Variants in TRIM27 observed in about 807,000 individuals in gnomAD.
The protein encoded by TRIM27 is zinc finger protein RFP.
A neutral mutation model predicts 57.6 loss-of-function variants in TRIM27; 12 were observed. That is an observed-to-expected ratio of 0.21 (90% CI 0.13 to 0.34). TRIM27 has a LOEUF of 0.34. TRIM27 is among the 10% of genes least tolerant of loss of function. TRIM27 has a pLI of 1.00. For synonymous variants in TRIM27, 266 were observed against 259.0 expected (o/e 1.03, Z -0.26); for missense variants, 403 against 656.8 (o/e 0.61, Z 4.22).
chr6:28,907,436 C>G, intron 6 of TRIM27, 174 bp from the exon 7 acceptor site: 1 of 724,198 alleles, frequency 1.4e-6, no homozygotes, highest in South Asian at 1.5e-5. Flanking sequence ...ATCATCCAAC[C>G]AAAAGCTTTA....
At position 28,921,768 on chromosome 6, in the gene TRIM27, C is replaced by T. The variant is rs537875514; in HGVS notation, c.516+124G>A. 3.9e-4 allele frequency: 300 copies of T among 777,158 alleles called. 1 individual carries two copies. Among genetic ancestry groups the T allele is most frequent in the Middle Eastern group, 2.7e-3 (7 of 2,618 alleles). 48.1% of individuals were successfully genotyped at this position (777,158 alleles called of 1,614,324 possible). ...CCGGGTGAGTTCCCACTGCCATGTGCGGTTGATCCACCTCTACCTACAAGT... is the reference window on the plus strand; with the variant it reads ...CCGGGTGAGTTCCCACTGCCATGTGTGGTTGATCCACCTCTACCTACAAGT... On this transcript the variant is annotated intron_variant, in intron 2 of 7. Coordinates refer to ENST00000377199, the MANE Select transcript of TRIM27 (RefSeq NM_006510.5).
Position 28,923,732 on chromosome 6 carries a change from G to T in TRIM27, c.-100C>A. The T allele has an allele frequency of 1.5e-6, 2 of 1,317,998 alleles. No homozygotes were observed. The highest frequency in any genetic ancestry group is 2.0e-6 in the Non-Finnish European group (2 of 992,506). The allele number at this position is 1,317,998 out of a possible 1,614,324, so 81.6% of individuals were successfully genotyped here. ...CTCTCCGGTTCGCTGTTCCTGAGAG[G>T]CACCGGGCGGACGGAGGGCGGCGCC... is the stretch of plus-strand genomic sequence containing the variant. On this transcript the variant is annotated 5_prime_UTR_variant, in exon 1 of 8. Coordinates refer to ENST00000377199, the MANE Select transcript of TRIM27 (RefSeq NM_006510.5).
intron 2 of TRIM27, 91 bp downstream of exon 2, chr6:28,921,801 G>T: frequency 9.7e-7 from 1 of 1,029,584 alleles, no homozygotes; most frequent in Non-Finnish European, 1.5e-6. Context: ...AGTTCTGGGT[G>T]ACATGCTGGA....
In TRIM27 at chr6:28,921,886, C is replaced by T. The variant is rs745620731; in HGVS notation, c.516+6G>A. On this transcript the variant is annotated splice_donor_region_variant and intron_variant, in intron 2 of 7. Transcript: ENST00000377199. Reference sequence around the variant, plus strand: ...AGAACCAACTGTGAATTCCAACAACCCTTACCAAGAGTTCAGCTCGTGCCT... The same window carrying T: ...AGAACCAACTGTGAATTCCAACAACTCTTACCAAGAGTTCAGCTCGTGCCT... 4 of 1,610,488 alleles carry T rather than the reference C, an allele frequency of 2.5e-6. No homozygotes were observed. The highest frequency in any genetic ancestry group is 3.4e-6 in the Non-Finnish European group (4 of 1,177,768).
intron 3 of TRIM27, among the ~76,000 whole-genome samples, chr6:28,916,770 A>C (rs1438914767): frequency 1.3e-5 from 2 of 152,142 alleles, no homozygotes; most frequent in Non-Finnish European, 2.9e-5. Context: ...GGATTTACTA[A>C]ATGCTACTTT....
chr6:28,921,370 C>A lies in TRIM27; in HGVS notation c.516+522G>T, dbSNP rs565537657. ...ACTCCAGCCTGGATGACAGTGAGAC[C>A]CTGTCTTAAAAAAAAAAAAAAAAAT... is the stretch of plus-strand genomic sequence containing the variant. On this transcript the variant is annotated intron_variant, in intron 2 of 7. Coordinates refer to ENST00000377199, the MANE Select transcript of TRIM27 (RefSeq NM_006510.5). 6.8e-3 allele frequency among the ~76,000 whole-genome samples: 928 copies of A among 136,034 alleles called. 7 individuals carry two copies. The highest frequency in any genetic ancestry group is 0.011 in the Middle Eastern group (3 of 272). The allele number at this position is 136,034 out of a possible 152,430, so 89.2% of individuals were successfully genotyped here.
At position 28,920,204 on chromosome 6, in the gene TRIM27, C is replaced by T. The variant is rs768905131; in HGVS notation, c.555G>A (p.Glu185=). Residue 185 remains glutamate, a synonymous_variant, in exon 3 of 8, where the codon GAG becomes GAA. Transcript: ENST00000377199. ...TQMEREKIVW[E]FEQLYHSLKE... is the part of the protein sequence containing the mutation. ...TTAAGGAGTGATACAGCTGCTCAAA[C>T]TCCCAAACAATCTTCTCCCTCTCCA... 3.1e-6 allele frequency: 5 copies of T among 1,612,996 alleles called. No homozygotes were observed. Among genetic ancestry groups the T allele is most frequent in the Middle Eastern group, 3.3e-4 (2 of 6,058 alleles).
At chr6:28,922,989 C>T (rs1292367362) in intron 1 of TRIM27, among the ~76,000 whole-genome samples, 1 of 152,094 alleles carries the variant, frequency 6.6e-6, no homozygotes, top group African/African-American at 2.4e-5. Flanking sequence ...TGGGGGTAAA[C>T]AGAGAAAAGA....
intron 2 of TRIM27, among the ~76,000 whole-genome samples, chr6:28,921,107 G>A (rs761173756): frequency 5.9e-5 from 9 of 152,180 alleles, no homozygotes; most frequent in Admixed American, 2.0e-4. Context: ...CAGGCTGGGC[G>A]CGGTGGCTCA....
In TRIM27 at chr6:28,920,838, T is replaced by C. The variant is rs564709462; in HGVS notation, c.517-596A>G. ...AAGTGACAGGGTCAGATATGTGCCCTATGGAGGATGGAACAACCAATAACA... is the reference window on the plus strand; with the variant it reads ...AAGTGACAGGGTCAGATATGTGCCCCATGGAGGATGGAACAACCAATAACA... On this transcript the variant is annotated intron_variant, in intron 2 of 7. Transcript: ENST00000377199. 1.5e-3 allele frequency among the ~76,000 whole-genome samples: 221 copies of C among 152,230 alleles called. 2 individuals are homozygous for C. The highest frequency in any genetic ancestry group is 7.3e-3 in the South Asian group (35 of 4,816).
intron 3 of TRIM27, among the ~76,000 whole-genome samples, chr6:28,912,403 G>A (rs1773272642): frequency 1.3e-5 from 2 of 151,854 alleles, no homozygotes; most frequent in Non-Finnish European, 2.9e-5. Context: ...AGCCAGCGGT[G>A]GCCTCTCCCT....
At position 28,917,270 on chromosome 6, in the gene TRIM27, A is replaced by T. The variant is rs186026152; in HGVS notation, c.747+2742T>A. Among the ~76,000 whole-genome samples the T allele has an allele frequency of 2.5e-3, 385 of 152,132 alleles. 1 individual carries two copies. Among genetic ancestry groups the T allele is most frequent in the African/African-American group, 8.6e-3 (358 of 41,520 alleles). ...GAGCAGTCAAGATTTGAGAAAGCAA[A>T]GCTGATAAGAAAGTTACACGACAGG... On this transcript the variant is annotated intron_variant, in intron 3 of 7. Transcript: ENST00000377199.
rs1772966707 is a variant in TRIM27, at chr6:28,908,834, A to G, written c.893T>C (p.Met298Thr). Residue 298 changes from methionine (M) to threonine (T), a missense_variant, in exon 6 of 8, where the codon ATG becomes ACG. By Grantham distance (81) the Met-to-Thr change is moderately conservative. Coordinates refer to ENST00000377199, the MANE Select transcript of TRIM27 (RefSeq NM_006510.5). ...TTGGATTTTCTCCATATCTGACTGC[A>G]TTTTTTCTAAGAAAAGAAAACAAGA... ...TESLKQFTEKMQSDMEKIQEL... is the reference protein window; with the variant it reads ...TESLKQFTEKTQSDMEKIQEL... 1.2e-6 allele frequency: 2 copies of G among 1,613,600 alleles called. No individual in the cohort carries two copies. Among genetic ancestry groups the G allele is most frequent in the Non-Finnish European group, 1.7e-6 (2 of 1,179,830 alleles).
At position 28,904,597 on chromosome 6, in the gene TRIM27, G is replaced by A. The variant is rs147987889; in HGVS notation, c.1015C>T (p.Arg339Trp). 3.6e-5 allele frequency: 57 copies of A among 1,605,320 alleles called. No individual in the cohort carries two copies. Among genetic ancestry groups the A allele is most frequent in the Non-Finnish European group, 4.4e-5 (52 of 1,179,990 alleles). Residue 339 changes from arginine (R) to tryptophan (W), a missense_variant, in exon 8 of 8, where the codon CGG becomes TGG. Physicochemically the swap from Arg to Trp is moderately radical, Grantham distance 101. Transcript: ENST00000377199. The surrounding 1 kb of genome is among the most constrained non-coding windows in gnomAD (Gnocchi z 6.1). ...LILSDNLRQV[R>W]YSYLQQDLPD... The stretch of plus-strand genomic sequence containing the variant: ...AGGTCCTGTTGGAGGTAACTGTACC[G>A]CACTTGCCGCAGATTATCAGAGAGG...
intron 3 of TRIM27, among the ~76,000 whole-genome samples, chr6:28,913,767 A>G (rs1167960171): frequency 6.6e-6 from 1 of 151,708 alleles, no homozygotes; most frequent in Non-Finnish European, 1.5e-5. Flanking sequence ...CCTTCAACCC[A>G]TTTTTCTCTA....
chr6:28,921,240 G>T (rs930760261), intron 2 of TRIM27, among the ~76,000 whole-genome samples: 4 of 152,114 alleles, frequency 2.6e-5, no homozygotes, highest in African/African-American at 9.7e-5. Context: ...AATTAGCTGA[G>T]TCTGTTGGCG....
chr6:28,907,418 A>T lies in TRIM27; in HGVS notation c.920-156T>A, dbSNP rs192063271. The T allele has an allele frequency of 1.8e-4, 137 of 749,794 alleles. 1 individual carries two copies. In the Admixed American group the frequency reaches 2.1e-3, roughly 11 times the overall value. 46.4% of individuals were successfully genotyped at this position (749,794 alleles called of 1,614,324 possible). On this transcript the variant is annotated intron_variant, in intron 6 of 7. Transcript: ENST00000377199. ...ATGCACTAATTTTTTCATATGATGT[A>T]TGGCTCTATCATCCAACCAAAAGCT... is the stretch of plus-strand genomic sequence containing the variant.
chr6:28,921,849 G>A (rs767254410), intron 2 of TRIM27, 43 bp downstream of exon 2: 4 of 1,446,930 alleles, frequency 2.8e-6, no homozygotes, highest in Admixed American at 1.7e-5. Flanking sequence ...TACAGAAGAG[G>A]AGAGCACCAG....
chr6:28,917,332 C>G (rs1277805441), intron 3 of TRIM27, among the ~76,000 whole-genome samples: 1 of 152,034 alleles, frequency 6.6e-6, no homozygotes, highest in Non-Finnish European at 1.5e-5. Flanking sequence ...AATCCCAGCA[C>G]TTTGGGAGGC....
Sources: gnomAD v4.1 joint callset for allele counts (sites outside exome capture counted in the v4.1 genomes callset) on GRCh38, gnomAD v4.1.1 for gene constraint, Gnocchi (gnomAD v3.1) non-coding constraint, MANE v1.5 for transcripts, NCBI Gene and HGNC (gene_info 2026-07-23, HGNC 2026-07-21) for gene names.